Variants in FARP1 observed in about 807,000 individuals in gnomAD.
The protein encoded by FARP1 is FERM, ARHGEF and pleckstrin domain-containing protein 1.
FARP1 carries 52 observed loss-of-function variants against 128.8 expected under a neutral mutation model. That is an observed-to-expected ratio of 0.40 (90% CI 0.32 to 0.51). FARP1 has a LOEUF of 0.51. Ranked by LOEUF, FARP1 falls within the 20% of genes least tolerant of loss-of-function variation. The pLI is 0.45. For synonymous variants in FARP1, 580 were observed against 551.8 expected (o/e 1.05, Z -0.72); for missense variants, 1,333 against 1,367.9 (o/e 0.97, Z 0.40).
intron 2 of FARP1, among the ~76,000 whole-genome samples, chr13:98,247,488 C>T (rs531983136): frequency 3.6e-4 from 54 of 152,070 alleles, no homozygotes; most frequent in Admixed American, 9.2e-4. Context: ...TATCCATCCC[C>T]GCAGCCCTGC....
intron 9 of FARP1, 76 bp downstream of exon 9, chr13:98,388,554 T>G: frequency 9.0e-7 from 1 of 1,109,634 alleles, no homozygotes; most frequent in Non-Finnish European, 1.4e-6. Context: ...GGAGGTCTGC[T>G]TGGCAGGGCT....
intron 2 of FARP1, among the ~76,000 whole-genome samples, chr13:98,223,976 C>T (rs1881586143): frequency 6.6e-6 from 1 of 152,178 alleles, no homozygotes; most frequent in Admixed American, 6.5e-5. Flanking sequence ...GTGACATGAA[C>T]TATAAAATGC....
chr13:98,145,930 A>G (rs1008241522), intron 1 of FARP1, among the ~76,000 whole-genome samples: 8 of 131,658 alleles, frequency 6.1e-5, no homozygotes, highest in African/African-American at 1.8e-4. Flanking sequence ...TTTTTGGTTA[A>G]AGATACAAAT....
rs1369267067 is a variant in FARP1 at position 98,383,366 on chromosome 13, G to GT, written c.497-1362dup. 3.9e-5 allele frequency among the ~76,000 whole-genome samples: 6 copies of GT among 152,338 alleles called. No individual in the cohort carries two copies. In the East Asian group the frequency reaches 1.2e-3, roughly 29 times the overall value. On this transcript the variant is annotated intron_variant, in intron 6 of 26. Coordinates refer to ENST00000319562, the MANE Select transcript of FARP1 (RefSeq NM_005766.4). ...CCAGAAAAGGCAATTAGGAAATAGTGTTGTTGGTCTTTCGGATGATGAGGA... is the reference window on the plus strand; with the variant it reads ...CCAGAAAAGGCAATTAGGAAATAGTGTTTGTTGGTCTTTCGGATGATGAGGA...
chr13:98,213,570 G>C (rs528298243), intron 2 of FARP1, among the ~76,000 whole-genome samples, 157 bp downstream of exon 2: 4 of 152,124 alleles, frequency 2.6e-5, no homozygotes, highest in Admixed American at 2.6e-4. Context: ...CCGCTGACCC[G>C]TTCTGGTTTC....
At chr13:98,446,878 A>G in intron 26 of FARP1, 61 bp downstream of exon 26, 1 of 1,573,558 alleles carries the variant, frequency 6.4e-7, no homozygotes, top group Non-Finnish European at 8.7e-7. Context: ...TCCAAACATC[A>G]GGATTTCTCC....
In FARP1 at chr13:98,149,513, C is replaced by A. The variant is rs116723536; in HGVS notation, c.-24+6021C>A. ...TTATAATAAGCTATTTGTAAGAAAG[C>A]GTTGGCACCATTTTATGTTACCATC... is the stretch of plus-strand genomic sequence containing the variant. On this transcript the variant is annotated intron_variant, in intron 1 of 26. Coordinates refer to ENST00000319562, the MANE Select transcript of FARP1 (RefSeq NM_005766.4). 5.7e-3 allele frequency among the ~76,000 whole-genome samples: 870 copies of A among 152,144 alleles called. 7 individuals are homozygous for A. The highest frequency in any genetic ancestry group is 0.02 in the African/African-American group (832 of 41,516).
At chr13:98,145,372 T>C (rs1875450919) in intron 1 of FARP1, among the ~76,000 whole-genome samples, 1 of 152,218 alleles carries the variant, frequency 6.6e-6, no homozygotes. Context: ...ATTGATATTC[T>C]CTTCCTTTAA....
rs1887772327 is a variant in FARP1, at chr13:98,337,014, G to A, written c.172-6748G>A. 1.3e-5 allele frequency among the ~76,000 whole-genome samples: 2 copies of A among 152,150 alleles called. 1 individual carries two copies. The highest frequency in any genetic ancestry group is 2.9e-5 in the Non-Finnish European group (2 of 68,024). ...GTGAACGGGGTGGTTTCTTAGAGCT[G>A]ATGGGAGCCTTAGAGAGATCTACCC... On this transcript the variant is annotated intron_variant, in intron 2 of 26. Transcript: ENST00000319562.
intron 1 of FARP1, among the ~76,000 whole-genome samples, chr13:98,196,698 T>C (rs962870411): frequency 1.3e-5 from 2 of 152,220 alleles, no homozygotes; most frequent in Non-Finnish European, 2.9e-5. Context: ...TCCAGTCTGG[T>C]GGTCAACCTG....
intron 16 of FARP1, among the ~76,000 whole-genome samples, chr13:98,423,411 TTTTGTTTG>T (rs369206178): frequency 1.8e-4 from 27 of 152,204 alleles, no homozygotes; most frequent in Admixed American, 1.3e-3. Context: ...CTAGTGCCAG[TTTTGTTTG>T]TTTGTTTGTT....
intron 2 of FARP1, among the ~76,000 whole-genome samples, chr13:98,254,426 T>C (rs948978920): frequency 2.0e-5 from 3 of 152,180 alleles, no homozygotes; most frequent in Non-Finnish European, 2.9e-5. Context: ...GCAAAATGAC[T>C]AGATAACACA....
At chr13:98,350,599 C>T (rs1398892933) in intron 3 of FARP1, among the ~76,000 whole-genome samples, 1 of 152,178 alleles carries the variant, frequency 6.6e-6, no homozygotes. Context: ...AACAGTATTA[C>T]ACAGAGTTGT....
chr13:98,164,973 G>A (rs1288220379), intron 1 of FARP1, among the ~76,000 whole-genome samples: 2 of 152,036 alleles, frequency 1.3e-5, no homozygotes, highest in Non-Finnish European at 2.9e-5. Flanking sequence ...CCAGCCCTTT[G>A]GGAAGCCGAG....
intron 13 of FARP1, chr13:98,406,971 T>C (rs1282125546): frequency 6.5e-6 from 1 of 152,696 alleles, no homozygotes; most frequent in East Asian, 1.9e-4. Context: ...TCTTTTCCTC[T>C]CTGTTGCCGG....
chr13:98,323,434 G>A (rs547147348), intron 2 of FARP1, among the ~76,000 whole-genome samples: 3 of 150,240 alleles, frequency 2.0e-5, no homozygotes, highest in Admixed American at 2.0e-4. Context: ...CGGAGATGTG[G>A]TTGTTTACAG....
chr13:98,176,148 A>G lies in FARP1; in HGVS notation c.-24+32656A>G. ...GGCTGCTTCTCCCCAGTGTACATACAGACTTGAGTCTTTCTTATCTCTTTT... is the reference window on the plus strand; with the variant it reads ...GGCTGCTTCTCCCCAGTGTACATACGGACTTGAGTCTTTCTTATCTCTTTT... On this transcript the variant is annotated intron_variant, in intron 1 of 26. Transcript: ENST00000319562. This position sits in a 1 kb window ranked among gnomAD's most constrained non-coding sequence, Gnocchi z 6.2. 2 of 1,605,220 alleles carry G rather than the reference A, an allele frequency of 1.2e-6. No homozygotes were observed. Among genetic ancestry groups the G allele is most frequent in the Non-Finnish European group, 1.7e-6 (2 of 1,172,514 alleles).
chr13:98,185,940 C>A (rs937437248), intron 1 of FARP1, among the ~76,000 whole-genome samples: 30 of 152,168 alleles, frequency 2.0e-4, no homozygotes, highest in African/African-American at 6.3e-4. Context: ...TCAGGTGATC[C>A]GCCTGCCTCG....
chr13:98,303,550 G>T (rs1448668136), intron 2 of FARP1, among the ~76,000 whole-genome samples: 2 of 152,198 alleles, frequency 1.3e-5, no homozygotes, highest in Non-Finnish European at 2.9e-5. Context: ...GCTGTTAAGA[G>T]TTGGAACTTG....
Sources: allele counts gnomAD v4.1 joint callset (sites outside exome capture counted in the v4.1 genomes callset), GRCh38; gene constraint gnomAD v4.1.1; non-coding constraint Gnocchi (gnomAD v3.1); transcripts MANE v1.5; gene names NCBI Gene and HGNC (gene_info 2026-07-23, HGNC 2026-07-21).